The following NIPBL variants were observed in gnomAD, a reference collection of about 807,000 sequenced individuals.
NIPBL encodes the protein nipped-B-like protein.
In NIPBL, 19 loss-of-function variants were observed where a neutral mutation model predicts 321.8. The observed-to-expected ratio is 0.06, with a 90% CI of 0.04 to 0.09. NIPBL has a LOEUF of 0.09. Among genes scored for constraint, NIPBL ranks in the 10% least tolerant of loss-of-function variants. NIPBL has a pLI of 1.00. For synonymous variants in NIPBL, 1,106 were observed against 1,114.1 expected, an observed-to-expected ratio of 0.99 and a Z score of 0.14; for missense variants, 2,210 against 3,327.0, an observed-to-expected ratio of 0.66 and a Z score of 8.26.
chr5:36,877,987 A>T (rs1161804089), intron 1 of NIPBL, among the ~76,000 whole-genome samples: 1 of 152,174 alleles, frequency 6.6e-6, no homozygotes, highest in Non-Finnish European at 1.5e-5. Context: ...GCCACTTTCT[A>T]TTTGTATGCG....
intron 4 of NIPBL, among the ~76,000 whole-genome samples, 174 bp downstream of exon 4, chr5:36,958,405 A>C (rs1200223461): frequency 6.6e-6 from 1 of 152,234 alleles, no homozygotes; most frequent in Non-Finnish European, 1.5e-5. Flanking sequence ...TATGTAACTA[A>C]ATTCCTTGAG....
chr5:36,916,065 A>G (rs1449442693), intron 1 of NIPBL, among the ~76,000 whole-genome samples: 1 of 152,226 alleles, frequency 6.6e-6, no homozygotes, highest in African/African-American at 2.4e-5. Context: ...TTGTCATTTC[A>G]TTTGTGGTAG....
chr5:36,922,557 C>A (rs756815099), intron 1 of NIPBL, among the ~76,000 whole-genome samples: 4 of 152,026 alleles, frequency 2.6e-5, no homozygotes, highest in African/African-American at 7.2e-5. Flanking sequence ...ATACTGGATA[C>A]TTATTTCTCT....
chr5:37,016,952 A>G, intron 23 of NIPBL, 67 bp from the exon 24 acceptor site: 1 of 1,069,956 alleles, frequency 9.3e-7, no homozygotes, highest in African/African-American at 1.6e-5. Context: ...GGGAATTTAT[A>G]TGATAAATTG....
At chr5:37,001,239 T>C (rs556869645) in intron 14 of NIPBL, among the ~76,000 whole-genome samples, 161 bp downstream of exon 14, 11 of 152,314 alleles carry the variant, frequency 7.2e-5, no homozygotes, top group East Asian at 3.9e-4. Flanking sequence ...TAGTCTGTTA[T>C]TTGACTAGCA....
intron 7 of NIPBL, 113 bp downstream of exon 7, chr5:36,971,149 A>G: frequency 2.4e-6 from 2 of 840,920 alleles, no homozygotes; most frequent in Admixed American, 2.0e-5. Context: ...TATACTGGGT[A>G]CTGAGTACAA....
At position 37,039,587 on chromosome 5, in the gene NIPBL, A is replaced by G. The variant is rs149153428; in HGVS notation, c.6108+849A>G. 2.2e-3 allele frequency among the ~76,000 whole-genome samples: 339 copies of G among 152,220 alleles called. 8 individuals carry two copies. The highest frequency in any genetic ancestry group is 0.021 in the South Asian group (103 of 4,826). On this transcript the variant is annotated intron_variant, in intron 34 of 46. Coordinates refer to ENST00000282516, the MANE Select transcript of NIPBL (RefSeq NM_133433.4). ...AAGGAAACTGAAGCTTAAAGAGTAT[A>G]AGTAACTGCTAAAAATTTGAAATTT...
At chr5:36,885,045 A>G (rs1256283024) in intron 1 of NIPBL, among the ~76,000 whole-genome samples, 2 of 152,088 alleles carry the variant, frequency 1.3e-5, no homozygotes, top group African/African-American at 4.8e-5. Context: ...TCTTGTTTTA[A>G]TCTTTGGATT....
chr5:37,051,496 A>C, intron 40 of NIPBL: 1 of 451,302 alleles, frequency 2.2e-6, no homozygotes, highest in Non-Finnish European at 3.9e-6. Context: ...TTAAATAGAT[A>C]TTCTTAGTGT....
chr5:36,899,560 T>C (rs546278650), intron 1 of NIPBL, among the ~76,000 whole-genome samples: 37 of 152,358 alleles, frequency 2.4e-4, no homozygotes, highest in African/African-American at 8.4e-4. Flanking sequence ...TTCAGAACTT[T>C]GGCTGTTGTG....
intron 34 of NIPBL, 71 bp from the exon 35 acceptor site, chr5:37,044,276 A>T: frequency 7.0e-7 from 1 of 1,437,452 alleles, no homozygotes; most frequent in Non-Finnish European, 9.6e-7. Context: ...TCTGCCCCCA[A>T]ATACGTAAAG....
At chr5:36,976,736 T>A (rs1743508857) in intron 9 of NIPBL, among the ~76,000 whole-genome samples, 1 of 152,138 alleles carries the variant, frequency 6.6e-6, no homozygotes, top group Non-Finnish European at 1.5e-5. Context: ...TTAATATTGT[T>A]GTGCACCTTC....
rs1293330075 is a variant in NIPBL, at chr5:37,038,720, C to T, written c.6090C>T (p.Tyr2030=). 6.2e-7 allele frequency: 1 copy of T among 1,613,408 alleles called. No homozygotes were observed. The highest frequency in any genetic ancestry group is 1.3e-5 in the African/African-American group (1 of 74,910). The change falls in exon 34 of 47, where the codon TAC becomes TAT. Residue 2030 remains tyrosine, a synonymous_variant. Transcript: ENST00000282516. Reference sequence around the variant, plus strand: ...AACATGCAATGACTATGCAACCATACCTTACCACTAAATGTAGTGTAAGTA... The same window carrying T: ...AACATGCAATGACTATGCAACCATATCTTACCACTAAATGTAGTGTAAGTA... ...MVKHAMTMQP[Y]LTTKCSTQND...
At chr5:36,987,319 C>A (rs985609443) in intron 10 of NIPBL, among the ~76,000 whole-genome samples, 4 of 152,052 alleles carry the variant, frequency 2.6e-5, no homozygotes, top group Admixed American at 2.6e-4. Context: ...TTGCATTGGC[C>A]AAGAGGGTAA....
intron 1 of NIPBL, among the ~76,000 whole-genome samples, chr5:36,894,223 A>C (rs1227818968): frequency 6.6e-6 from 1 of 152,170 alleles, no homozygotes; most frequent in East Asian, 1.9e-4. Context: ...GTATTTGATA[A>C]GAAGCAAAGA....
At chr5:36,895,307 C>A (rs911127941) in intron 1 of NIPBL, among the ~76,000 whole-genome samples, 2 of 152,152 alleles carry the variant, frequency 1.3e-5, no homozygotes, top group South Asian at 4.1e-4. Context: ...TACTTCATTT[C>A]TTTTTAGGAC....
At chr5:36,955,408 G>A (rs1165113293) in intron 2 of NIPBL, 64 bp from the exon 3 acceptor site, 1 of 1,325,094 alleles carries the variant, frequency 7.5e-7, no homozygotes, top group Non-Finnish European at 1.1e-6. Flanking sequence ...CCAAAATACA[G>A]ATAAGCACTA....
chr5:37,062,836 C>T (rs1754899215), intron 45 of NIPBL, among the ~76,000 whole-genome samples: 1 of 151,932 alleles, frequency 6.6e-6, no homozygotes, highest in Non-Finnish European at 1.5e-5. Context: ...GGGAGGACCA[C>T]CTAAGCCTGG....
At chr5:37,026,431 T>C (rs939731228) in intron 31 of NIPBL, 104 bp downstream of exon 31, 1 of 744,774 alleles carries the variant, frequency 1.3e-6, no homozygotes, top group South Asian at 1.5e-5. Flanking sequence ...TTCATTAATC[T>C]TGACATTTCG....
Sources: allele counts gnomAD v4.1 joint callset (sites outside exome capture counted in the v4.1 genomes callset), GRCh38; gene constraint gnomAD v4.1.1; transcripts MANE v1.5; gene names NCBI Gene and HGNC (gene_info 2026-07-23, HGNC 2026-07-21).